NEDD9: variants seen among roughly 807,000 people sequenced by gnomAD.
NEDD9 encodes the protein enhancer of filamentation 1.
A neutral mutation model predicts 76.6 loss-of-function variants in NEDD9; 26 were observed. The ratio of observed to expected loss-of-function variants is 0.34; its 90% confidence interval spans 0.25 to 0.47. NEDD9 has a LOEUF of 0.47. Ranked by LOEUF, NEDD9 falls within the 20% of genes least tolerant of loss-of-function variation. NEDD9 has a pLI of 1.00. For synonymous variants in NEDD9, 392 were observed against 414.2 expected (o/e 0.95, Z 0.65); for missense variants, 937 against 1,058.5 (o/e 0.89, Z 1.59).
upstream of NEDD9, chr6:11,233,397 G>A: frequency 1.9e-6 from 1 of 519,030 alleles, no homozygotes. Flanking sequence ...TGGCTTTGCT[G>A]AGGATAAAGG....
chr6:11,190,926 C>T lies in NEDD9; in HGVS notation c.943G>A (p.Asp315Asn), dbSNP rs201386884. The T allele has an allele frequency of 2.0e-5, 32 of 1,614,008 alleles. No homozygotes were observed. In the East Asian group the frequency reaches 2.5e-4, roughly 12 times the overall value. Residue 315 changes from aspartate (D) to asparagine (N), a missense_variant, in exon 5 of 7, where the codon GAC (aspartate) becomes AAC (asparagine). Coordinates refer to ENST00000379446, the MANE Select transcript of NEDD9 (RefSeq NM_006403.4). This position sits in a 1 kb window ranked among gnomAD's most constrained non-coding sequence, Gnocchi z 5.8. The part of the protein sequence containing the change: ...QLGQSVGSQN[D>N]AYDVPRGVQF... ...ACGCCTCGGGGGACATCATATGCGT[C>T]GTTCTGAGAGCCCACTGACTGTCCG...
intron 2 of NEDD9, among the ~76,000 whole-genome samples, chr6:11,317,503 G>C (rs1306603493): frequency 6.6e-6 from 1 of 152,080 alleles, no homozygotes; most frequent in Non-Finnish European, 1.5e-5. Flanking sequence ...ACAGAGAAGA[G>C]AGGCCTGAAG....
chr6:11,197,248 T>C (rs1298766236), intron 2 of NEDD9, among the ~76,000 whole-genome samples: 22 of 140,700 alleles, frequency 1.6e-4, no homozygotes, highest in Admixed American at 1.5e-3. Context: ...TCCCCCTCTG[T>C]TTGCTTTTTT....
intron 2 of NEDD9, among the ~76,000 whole-genome samples, chr6:11,332,821 G>C (rs1027733899): frequency 4.6e-5 from 7 of 152,266 alleles, no homozygotes; most frequent in Admixed American, 1.3e-4. Context: ...TGATTGAATG[G>C]ATGAGTTTCA....
chr6:11,322,172 G>A (rs1238096329), intron 2 of NEDD9, among the ~76,000 whole-genome samples: 3 of 152,162 alleles, frequency 2.0e-5, no homozygotes, highest in Non-Finnish European at 4.4e-5. Context: ...AGCAGGGCCT[G>A]TTGGTGGGCC....
At chr6:11,230,155 C>T (rs866264564) in intron 1 of NEDD9, among the ~76,000 whole-genome samples, 3 of 152,214 alleles carry the variant, frequency 2.0e-5, no homozygotes, top group African/African-American at 7.2e-5. Context: ...CAAACATGCA[C>T]TTCATTTTGC....
rs1215302880 is a variant in NEDD9 at position 11,322,619 on chromosome 6, T to C, written c.-153+11882A>G. The stretch of plus-strand genomic sequence containing the variant: ...TCTCTCTCAACCCTTCTCCTCTCTT[T>C]TCTCTTTTCTCCTTCCCTCCTTCCC... On this transcript the variant is annotated intron_variant, in intron 2 of 3. Transcript: ENST00000397378. Among the ~76,000 whole-genome samples, 6 of 152,156 alleles carry C rather than the reference T, an allele frequency of 3.9e-5. No homozygotes were observed. In the East Asian group the frequency reaches 1.2e-3, roughly 29 times the overall value.
At chr6:11,318,824 TA>T (rs76779741) in intron 2 of NEDD9, among the ~76,000 whole-genome samples, 9,674 of 147,002 alleles carry the variant, frequency 0.066, 326 homozygotes, top group Middle Eastern at 0.12. Flanking sequence ...TTTAAAAATG[TA>T]AAAAAAAAAA....
intron 2 of NEDD9, among the ~76,000 whole-genome samples, chr6:11,310,572 T>C (rs1003259404): frequency 3.9e-5 from 6 of 152,110 alleles, no homozygotes; most frequent in Non-Finnish European, 8.8e-5. Context: ...CAGGCAGCCT[T>C]CTGTAGTTCC....
At chr6:11,227,652 C>T (rs1287382325) in intron 1 of NEDD9, among the ~76,000 whole-genome samples, 1 of 152,188 alleles carries the variant, frequency 6.6e-6, no homozygotes, top group Non-Finnish European at 1.5e-5. Context: ...TCTGCCTCTA[C>T]ATACAAATAG....
At chr6:11,197,252 C>CTTTT (rs34890588) in intron 2 of NEDD9, among the ~76,000 whole-genome samples, 1 of 144,574 alleles carries the variant, frequency 6.9e-6, no homozygotes. Flanking sequence ...CCTCTGTTTG[C>CTTTT]TTTTTTTTTT....
At chr6:11,228,175 AAAG>A (rs953033264) in intron 1 of NEDD9, among the ~76,000 whole-genome samples, 36 of 152,194 alleles carry the variant, frequency 2.4e-4, no homozygotes, top group South Asian at 8.3e-4. Flanking sequence ...GAAAGCCTGA[AAAG>A]AAGAAGAAGA....
rs564000617 is a variant in NEDD9 at position 11,211,775 on chromosome 6, G to A, written c.459+1506C>T. Among the ~76,000 whole-genome samples, 8 of 152,306 alleles carry A rather than the reference G, an allele frequency of 5.3e-5. No homozygotes were observed. In the South Asian group the frequency reaches 1.0e-3, roughly 20 times the overall value. ...CCTACGCTCAGTTCATGCCACACGC[G>A]TGCTCTTGAGAAGTATTTTGTAAAA... On this transcript the variant is annotated intron_variant, in intron 2 of 6. Coordinates refer to ENST00000379446, the MANE Select transcript of NEDD9 (RefSeq NM_006403.4).
At chr6:11,204,897 G>A (rs1758563085) in intron 2 of NEDD9, among the ~76,000 whole-genome samples, 3 of 152,080 alleles carry the variant, frequency 2.0e-5, no homozygotes, top group Non-Finnish European at 2.9e-5. Context: ...ACTACAGCTA[G>A]GTGGGGGGAA....
intron 3 of NEDD9, among the ~76,000 whole-genome samples, chr6:11,282,274 C>T (rs1760552540): frequency 6.6e-6 from 1 of 152,208 alleles, no homozygotes; most frequent in Non-Finnish European, 1.5e-5. Flanking sequence ...TACAGTTTGG[C>T]TTACATGTTA....
chr6:11,303,599 TA>T (rs1344591892), intron 3 of NEDD9, among the ~76,000 whole-genome samples: 2 of 152,146 alleles, frequency 1.3e-5, no homozygotes, highest in East Asian at 3.8e-4. Flanking sequence ...ATGGTACTGG[TA>T]CCAAAACAGA....
chr6:11,275,620 T>C (rs1760399699), intron 3 of NEDD9, among the ~76,000 whole-genome samples: 1 of 151,798 alleles, frequency 6.6e-6, no homozygotes, highest in South Asian at 2.1e-4. Context: ...TCTCAGCTAG[T>C]GAATGGTCTA....
chr6:11,185,585 G>A lies in NEDD9; in HGVS notation c.2082C>T (p.Pro694=). The A allele has an allele frequency of 2.5e-6, 4 of 1,614,190 alleles. No homozygotes were observed. The highest frequency in any genetic ancestry group is 2.2e-5 in the East Asian group (1 of 44,890). The change falls in exon 7 of 7, where the codon CCC becomes CCT. Residue 694 remains proline, a synonymous_variant. Transcript: ENST00000379446. The stretch of plus-strand genomic sequence containing the variant: ...GAGCACTCACGCCACTGTTTGTGGT[G>A]GGTAGGCTCTGAGAGGGCTTCCACT... ...ISKWKPSQSL[P]TTNSGVSAQD... is the part of the protein sequence containing the mutation.
intron 3 of NEDD9, among the ~76,000 whole-genome samples, chr6:11,262,268 C>T (rs1760128900): frequency 6.6e-6 from 1 of 152,178 alleles, no homozygotes; most frequent in Non-Finnish European, 1.5e-5. Flanking sequence ...AAAGAAGGCA[C>T]AAAGAGCCTT....
Sources: allele counts gnomAD v4.1 joint callset (sites outside exome capture counted in the v4.1 genomes callset), GRCh38; gene constraint gnomAD v4.1.1; non-coding constraint Gnocchi (gnomAD v3.1); transcripts MANE v1.5; gene names NCBI Gene and HGNC (gene_info 2026-07-23, HGNC 2026-07-21).